The following L1TD1 variants were observed in gnomAD, a reference collection of about 807,000 sequenced individuals.
L1TD1 encodes LINE-1 type transposase domain-containing protein 1.
L1TD1 carries 26 observed loss-of-function variants against 25.7 expected under a neutral mutation model. That is an observed-to-expected ratio of 1.01 (90% CI 0.74 to 1.40). The LOEUF is 1.40. Ranked by LOEUF, L1TD1 falls within the 40% of genes most tolerant of loss-of-function variation. The pLI, the probability that L1TD1 is intolerant of heterozygous loss-of-function variation, is 0.00. For missense variants in L1TD1, 1,130 were observed against 975.0 expected (o/e 1.16, Z -2.12); for synonymous variants, 421 against 335.6 (o/e 1.25, Z -2.78).
In L1TD1 at chr1:62,212,134, T is replaced by G. The variant is rs41313367; in HGVS notation, c.*762T>G. Reference sequence around the variant, plus strand: ...TAGTTAAAATAGAAAAGTGCTCAGTTCCTCATACCTGTAATCCCAGCAGTT... The same window carrying G: ...TAGTTAAAATAGAAAAGTGCTCAGTGCCTCATACCTGTAATCCCAGCAGTT... On this transcript the variant is annotated 3_prime_UTR_variant, in exon 4 of 4. Transcript: ENST00000498273. 22,053 of 151,684 alleles carry G rather than the reference T, an allele frequency of 0.15. 1,666 individuals are homozygous for G. Among genetic ancestry groups the G allele is most frequent in the Admixed American group, 0.19 (2,821 of 15,214 alleles). The allele number at this position is 151,684 out of a possible 1,614,324, so 9.4% of individuals were successfully genotyped here.
intron 2 of L1TD1, among the ~76,000 whole-genome samples, chr1:62,205,433 A>ATTTTTTTT (rs1161372604): frequency 7.7e-4 from 31 of 40,058 alleles, no homozygotes; most frequent in Non-Finnish European, 1.3e-3. Context: ...ATATATATAT[A>ATTTTTTTT]TATATATATA....
Position 62,207,369 on chromosome 1 carries a change from C to T in L1TD1, c.741C>T (p.Ala247=), listed in dbSNP as rs776119620. 103 of 1,551,412 alleles carry T rather than the reference C, an allele frequency of 6.6e-5. No individual in the cohort carries two copies. Among genetic ancestry groups the T allele is most frequent in the Middle Eastern group, 1.7e-4 (1 of 6,014 alleles). ...AAGGAGCAGTACTTACCCTGGTAGC[C>T]GACCTTTCATCAGCAACACTGGATA... ...MDEGAVLTLV[A]DLSSATLDIS... is the part of the protein sequence containing the mutation. The change falls in exon 3 of 4, where the codon GCC becomes GCT. Residue 247 remains alanine, a synonymous_variant. Transcript: ENST00000498273.
At chr1:62,203,731 A>G (rs1670685822) in intron 2 of L1TD1, among the ~76,000 whole-genome samples, 1 of 152,204 alleles carries the variant, frequency 6.6e-6, no homozygotes, top group South Asian at 2.1e-4. Flanking sequence ...GGTGCCTGCC[A>G]CCACACCCAG....
intron 2 of L1TD1, among the ~76,000 whole-genome samples, chr1:62,197,439 G>C (rs990190613): frequency 1.7e-5 from 2 of 114,772 alleles, no homozygotes; most frequent in Non-Finnish European, 3.7e-5. Flanking sequence ...ATATAGTTTA[G>C]TCCTGCTACT....
At chr1:62,201,741 A>G (rs766287044) in intron 2 of L1TD1, among the ~76,000 whole-genome samples, 1 of 152,168 alleles carries the variant, frequency 6.6e-6, no homozygotes, top group Non-Finnish European at 1.5e-5. Context: ...AATAAAATAT[A>G]TATTCCTCAA....
chr1:62,207,859 T>A (rs1414788775), intron 3 of L1TD1, among the ~76,000 whole-genome samples: 4 of 152,076 alleles, frequency 2.6e-5, no homozygotes, highest in Non-Finnish European at 4.4e-5. Context: ...ATTACAGGCA[T>A]GCACCACCAC....
At chr1:62,205,443 A>ATATATTTTTTTTTTTTTTTT (rs1553122597) in intron 2 of L1TD1, among the ~76,000 whole-genome samples, 1 of 63,660 alleles carries the variant, frequency 1.6e-5, no homozygotes, top group Non-Finnish European at 3.1e-5. Context: ...ATATATATAT[A>ATATATTTTTTTTTTTTTTTT]TTTTTTTTTA....
Position 62,211,692 on chromosome 1 carries a change from ACG to A in L1TD1, c.*321_*322del. 1 of 203,500 alleles carries A rather than the reference ACG, an allele frequency of 4.9e-6. No individual in the cohort carries two copies. The highest frequency in any genetic ancestry group is 1.3e-4 in the East Asian group (1 of 7,606). The allele number at this position is 203,500 out of a possible 1,614,324, so 12.6% of individuals were successfully genotyped here. A position where few individuals can be genotyped will look rare whatever the true frequency, so the allele number is the denominator to read the frequency against. Reference sequence around the variant, plus strand: ...TAGAATTTATATTATCTGGCTGGGCACGGTGGCTCACACCTGTAATCCCAGCA... The same window carrying A: ...TAGAATTTATATTATCTGGCTGGGCAGTGGCTCACACCTGTAATCCCAGCA... On this transcript the variant is annotated 3_prime_UTR_variant, in exon 4 of 4. Coordinates refer to ENST00000498273, the MANE Select transcript of L1TD1 (RefSeq NM_019079.5).
At chr1:62,200,676 T>TAA (rs1670624725) in intron 2 of L1TD1, among the ~76,000 whole-genome samples, 1 of 152,072 alleles carries the variant, frequency 6.6e-6, no homozygotes, top group African/African-American at 2.4e-5. Flanking sequence ...AGTGTACAGG[T>TAA]GGTTTCATTC....
intron 2 of L1TD1, among the ~76,000 whole-genome samples, chr1:62,199,560 C>T (rs527710664): frequency 6.6e-6 from 1 of 151,288 alleles, no homozygotes; most frequent in African/African-American, 2.4e-5. Context: ...CCACCGTGCC[C>T]GGCTGTAATT....
chr1:62,198,913 G>C (rs547949941), intron 2 of L1TD1, among the ~76,000 whole-genome samples: 1 of 151,838 alleles, frequency 6.6e-6, no homozygotes, highest in African/African-American at 2.4e-5. Context: ...TCATAGCTTA[G>C]AGTAACCTTG....
intron 2 of L1TD1, among the ~76,000 whole-genome samples, chr1:62,197,433 A>ATATATATATATATATAT (rs1174042182): frequency 3.6e-5 from 5 of 138,430 alleles, no homozygotes; most frequent in South Asian, 2.3e-4. Context: ...ATATATATAT[A>ATATATATATATATATAT]GTTTAGTCCT....
Position 62,207,145 on chromosome 1 carries a change from A to G in L1TD1, c.517A>G (p.Ser173Gly). The G allele has an allele frequency of 6.4e-7, 1 of 1,570,566 alleles. No individual in the cohort carries two copies. The highest frequency in any genetic ancestry group is 8.6e-7 in the Non-Finnish European group (1 of 1,156,152). Reference sequence around the variant, plus strand: ...ATCACGAAGTTACGAAGTCATGGGAAGTATGGAAGAAACCTTATGCAATAT... The same window carrying G: ...ATCACGAAGTTACGAAGTCATGGGAGGTATGGAAGAAACCTTATGCAATAT... ...GESRSYEVMG[S>G]MEETLCNIDD... Residue 173 changes from serine (S) to glycine (G), a missense_variant, in exon 3 of 4, where the codon AGT becomes GGT. Physicochemically the swap from Ser to Gly is moderately conservative, Grantham distance 56 (BLOSUM62 0). Coordinates refer to ENST00000498273, the MANE Select transcript of L1TD1 (RefSeq NM_019079.5).
intron 3 of L1TD1, among the ~76,000 whole-genome samples, chr1:62,207,955 A>T (rs1233033594): frequency 6.6e-6 from 1 of 152,132 alleles, no homozygotes; most frequent in Non-Finnish European, 1.5e-5. Context: ...CAGGTGATCC[A>T]CCTCGGCTAC....
Position 62,211,518 on chromosome 1 carries a change from T to C in L1TD1, c.*146T>C, listed in dbSNP as rs971720320. 9.7e-6 allele frequency: 13 copies of C among 1,341,086 alleles called. No homozygotes were observed. The highest frequency in any genetic ancestry group is 2.7e-4 in the Middle Eastern group (1 of 3,686). 83.1% of individuals were successfully genotyped at this position (1,341,086 alleles called of 1,614,324 possible). A position where few individuals can be genotyped will look rare whatever the true frequency, so the allele number is the denominator to read the frequency against. ...TGAGGAGCAAGGAATATTACAGATA[T>C]TACCTAGATGTTAATAAAGGGTATG... is the stretch of plus-strand genomic sequence containing the variant. On this transcript the variant is annotated 3_prime_UTR_variant, in exon 4 of 4. Coordinates refer to ENST00000498273, the MANE Select transcript of L1TD1 (RefSeq NM_019079.5).
intron 3 of L1TD1, 120 bp from the exon 4 acceptor site, chr1:62,209,663 C>T (rs1670818104): frequency 1.1e-6 from 1 of 898,454 alleles, no homozygotes; most frequent in East Asian, 2.8e-5. Context: ...AGCACTTTTT[C>T]AGATATTTTC....
chr1:62,204,780 T>C (rs957267235), intron 2 of L1TD1, among the ~76,000 whole-genome samples: 6 of 152,062 alleles, frequency 3.9e-5, no homozygotes, highest in African/African-American at 7.2e-5. Context: ...GTGATTCTTA[T>C]TTTGCAGGGG....
In L1TD1 at chr1:62,207,339, G is replaced by A. The variant is rs771944867; in HGVS notation, c.711G>A (p.Met237Ile). Residue 237 changes from methionine to isoleucine, a missense_variant, in exon 3 of 4, where the codon ATG becomes ATA. By Grantham distance (10) the Met-to-Ile change is conservative. Coordinates refer to ENST00000498273, the MANE Select transcript of L1TD1 (RefSeq NM_019079.5). ...CCTCCAGAGAAGAAAAAGTGTTGATGGATGAAGGAGCAGTACTTACCCTGG... is the reference window on the plus strand; with the variant it reads ...CCTCCAGAGAAGAAAAAGTGTTGATAGATGAAGGAGCAGTACTTACCCTGG... ...LKASREEKVL[M>I]DEGAVLTLVA... 6.4e-7 allele frequency: 1 copy of A among 1,551,354 alleles called. No individual in the cohort carries two copies.
intron 2 of L1TD1, among the ~76,000 whole-genome samples, chr1:62,201,079 C>A (rs2149098893): frequency 6.6e-6 from 1 of 152,086 alleles, no homozygotes. Flanking sequence ...CAGGTGCCCG[C>A]CATCATGCCC....
Sources: gnomAD v4.1 joint callset for allele counts (sites outside exome capture counted in the v4.1 genomes callset) on GRCh38, gnomAD v4.1.1 for gene constraint, MANE v1.5 for transcripts, NCBI Gene and HGNC (gene_info 2026-07-23, HGNC 2026-07-21) for gene names.